The following DOCK4 variants were observed in gnomAD, a reference collection of about 807,000 sequenced individuals.
DOCK4 encodes the protein dedicator of cytokinesis protein 4.
Under a neutral mutation model 268.1 loss-of-function variants are expected in DOCK4, and 97 were observed. That is an observed-to-expected ratio of 0.36 (90% CI 0.31 to 0.43). DOCK4 has a LOEUF of 0.43. Ranked by LOEUF, DOCK4 falls within the 20% of genes least tolerant of loss-of-function variation. The pLI, the probability that DOCK4 is intolerant of heterozygous loss-of-function variation, is 1.00. For synonymous variants in DOCK4, 954 were observed against 887.2 expected (o/e 1.08, Z -1.34); for missense variants, 2,145 against 2,455.7 (o/e 0.87, Z 2.67).
chr7:111,926,291 A>G lies in DOCK4; in HGVS notation c.1066+9249T>C, dbSNP rs188021795. Among the ~76,000 whole-genome samples the G allele has an allele frequency of 4.7e-3, 681 of 144,124 alleles. 26 individuals are homozygous for G. The highest frequency in any genetic ancestry group is 0.017 in the African/African-American group (634 of 37,576). The allele number at this position is 144,124 out of a possible 152,430, so 94.6% of individuals were successfully genotyped here. A position where few individuals can be genotyped will look rare whatever the true frequency, so the allele number is the denominator to read the frequency against. On this transcript the variant is annotated intron_variant, in intron 12 of 52. Coordinates refer to ENST00000428084, the MANE Select transcript of DOCK4 (RefSeq NM_001363540.2). ...GAATAAATAAATAAATAAGCCGAGCATGGTGGCGCGCCGCCTGTAGTTCCA... is the reference window on the plus strand; with the variant it reads ...GAATAAATAAATAAATAAGCCGAGCGTGGTGGCGCGCCGCCTGTAGTTCCA...
intron 16 of DOCK4, among the ~76,000 whole-genome samples, chr7:111,883,449 T>A (rs1263927381): frequency 6.6e-6 from 1 of 152,212 alleles, no homozygotes; most frequent in South Asian, 2.1e-4. Flanking sequence ...TCCTCAGGAT[T>A]TGGAGCCTGC....
intron 1 of DOCK4, among the ~76,000 whole-genome samples, chr7:112,156,929 G>A (rs554175610): frequency 2.6e-5 from 4 of 152,088 alleles, no homozygotes; most frequent in Non-Finnish European, 4.4e-5. Context: ...CAAGTTTATA[G>A]TATGAAAAGG....
At chr7:112,017,938 T>C (rs1209330793) in intron 1 of DOCK4, among the ~76,000 whole-genome samples, 1 of 151,778 alleles carries the variant, frequency 6.6e-6, no homozygotes, top group Non-Finnish European at 1.5e-5. Flanking sequence ...CTGGCATTCA[T>C]GGTTCTTCCT....
At chr7:112,099,572 T>C (rs1810487360) in intron 1 of DOCK4, among the ~76,000 whole-genome samples, 1 of 152,222 alleles carries the variant, frequency 6.6e-6, no homozygotes, top group South Asian at 2.1e-4. Context: ...ACTCAGCAAC[T>C]ATCATAGCAC....
chr7:111,797,262 C>T lies in DOCK4; in HGVS notation c.3167-6657G>A, dbSNP rs374428326. ...TCAGACAGAGCCAGGGAAAAAGTTC[C>T]CCAAAATTAAAAAAGCAACTTTCAG... On this transcript the variant is annotated intron_variant, in intron 30 of 52. Coordinates refer to ENST00000428084, the MANE Select transcript of DOCK4 (RefSeq NM_001363540.2). 1.9e-4 allele frequency among the ~76,000 whole-genome samples: 29 copies of T among 152,230 alleles called. No homozygotes were observed. In the South Asian group the frequency reaches 6.0e-3, roughly 32 times the overall value.
intron 24 of DOCK4, among the ~76,000 whole-genome samples, chr7:111,846,101 C>A (rs747857834): frequency 6.6e-6 from 1 of 152,132 alleles, no homozygotes; most frequent in African/African-American, 2.4e-5. Context: ...TCTGTTCCCA[C>A]GCTACTGGGG....
In DOCK4 at chr7:112,181,639, C is replaced by CAAAAAAA. The variant is rs55807955; in HGVS notation, c.37+24456_37+24462dup. On this transcript the variant is annotated intron_variant, in intron 1 of 52. Transcript: ENST00000428084. ...TGAGCAACAGAGTAAGACACTGTCT[C>CAAAAAAA]AAAAAAAAAAAAAAAAAAAAGCTTG... Among the ~76,000 whole-genome samples the CAAAAAAA allele has an allele frequency of 4.3e-4, 28 of 65,346 alleles. 3 individuals carry two copies. Among genetic ancestry groups the CAAAAAAA allele is most frequent in the South Asian group, 1.5e-3 (2 of 1,344 alleles). 42.9% of individuals were successfully genotyped at this position (65,346 alleles called of 152,430 possible). A position where few individuals can be genotyped will look rare whatever the true frequency, so the allele number is the denominator to read the frequency against.
rs1238856241 is a variant in DOCK4, at chr7:111,758,657, G to T, written c.4296C>A (p.His1432Gln). Reference protein sequence around the residue: ...IWKFRYDRPFHKGTKDKENEF... With the variant: ...IWKFRYDRPFQKGTKDKENEF... The stretch of plus-strand genomic sequence containing the variant: ...CATTCTCTTTATCTTTTGTGCCTTT[G>T]TGAAATGGTCGGTCATAGCGGAATT... Residue 1432 changes from histidine to glutamine, a missense_variant, in exon 41 of 53, where the codon CAC (histidine) becomes CAA (glutamine). Around this residue, in one of 2 missense-constraint regions of DOCK4, gnomAD observed 1,598 missense variants for 1,986.7 expected, o/e 0.80. Coordinates refer to ENST00000428084, the MANE Select transcript of DOCK4 (RefSeq NM_001363540.2). The T allele has an allele frequency of 6.2e-7, 1 of 1,613,942 alleles. No individual in the cohort carries two copies. Among genetic ancestry groups the T allele is most frequent in the East Asian group, 2.2e-5 (1 of 44,880 alleles).
At chr7:112,000,053 G>GC (rs1215182131) in intron 3 of DOCK4, among the ~76,000 whole-genome samples, 1 of 151,924 alleles carries the variant, frequency 6.6e-6, no homozygotes. Context: ...CCTGGCTTCA[G>GC]CCCCCCAAAT....
At chr7:111,743,095 C>A (rs1796037713) in intron 44 of DOCK4, among the ~76,000 whole-genome samples, 1 of 152,164 alleles carries the variant, frequency 6.6e-6, no homozygotes, top group South Asian at 2.1e-4. Context: ...AACTTTCCTG[C>A]AGTGAGGATC....
intron 22 of DOCK4, among the ~76,000 whole-genome samples, chr7:111,866,297 C>G (rs149505748): frequency 7.9e-4 from 120 of 152,316 alleles, no homozygotes; most frequent in Non-Finnish European, 1.3e-3. Context: ...ATAAAGAAAA[C>G]TAACCATTTT....
At chr7:112,201,395 G>T (rs1228837074) in intron 1 of DOCK4, among the ~76,000 whole-genome samples, 1 of 152,136 alleles carries the variant, frequency 6.6e-6, no homozygotes, top group African/African-American at 2.4e-5. Flanking sequence ...AGATCAGCTT[G>T]TTCTGAGTTT....
intron 8 of DOCK4, among the ~76,000 whole-genome samples, chr7:111,958,820 T>C (rs1003905046): frequency 1.3e-4 from 20 of 152,238 alleles, no homozygotes. Context: ...AGTTCTACCC[T>C]GGGTGCTCTC....
intron 26 of DOCK4, among the ~76,000 whole-genome samples, chr7:111,831,437 G>A (rs78244648): frequency 0.011 from 1,650 of 151,586 alleles, 33 homozygotes; most frequent in African/African-American, 0.038. Flanking sequence ...ACAGGGTTCT[G>A]CCTCTCATCT....
At chr7:111,791,309 A>C in intron 30 of DOCK4, among the ~76,000 whole-genome samples, 1 of 150,468 alleles carries the variant, frequency 6.6e-6, no homozygotes, top group African/African-American at 2.4e-5. Flanking sequence ...ACACACATAT[A>C]TCTTAGTCTA....
At chr7:112,050,187 T>C (rs893803163) in intron 1 of DOCK4, among the ~76,000 whole-genome samples, 8 of 152,254 alleles carry the variant, frequency 5.3e-5, no homozygotes, top group African/African-American at 1.7e-4. Context: ...TCTGGCACTT[T>C]CCCCCAGAAT....
intron 51 of DOCK4, among the ~76,000 whole-genome samples, chr7:111,733,260 G>T (rs945917164): frequency 6.6e-6 from 1 of 152,206 alleles, no homozygotes; most frequent in African/African-American, 2.4e-5. Flanking sequence ...GATGACATAA[G>T]AACAGACCAT....
chr7:111,885,944 T>G (rs1312693899), intron 16 of DOCK4, among the ~76,000 whole-genome samples: 2 of 152,308 alleles, frequency 1.3e-5, no homozygotes, highest in East Asian at 3.9e-4. Flanking sequence ...AAAAATCAGT[T>G]GGTACAGCAA....
chr7:111,908,455 T>TAAACA (rs1791795739), intron 13 of DOCK4, among the ~76,000 whole-genome samples: 1 of 150,038 alleles, frequency 6.7e-6, no homozygotes, highest in African/African-American at 2.4e-5. Context: ...CTCAAAAAAA[T>TAAACA]AAATAAAATA....
Sources: allele counts gnomAD v4.1 joint callset (sites outside exome capture counted in the v4.1 genomes callset), GRCh38; gene constraint gnomAD v4.1.1; regional missense constraint gnomAD v4.1.1; transcripts MANE v1.5; gene names NCBI Gene and HGNC (gene_info 2026-07-23, HGNC 2026-07-21).